The following SLC43A2 variants were observed in gnomAD, a reference collection of about 807,000 sequenced individuals.
The protein encoded by SLC43A2 is large neutral amino acids transporter small subunit 4.
Under a neutral mutation model 63.2 loss-of-function variants are expected in SLC43A2, and 38 were observed. The ratio of observed to expected loss-of-function variants is 0.60; its 90% confidence interval spans 0.46 to 0.79. SLC43A2 has a LOEUF of 0.79. SLC43A2 is among the 30% of genes least tolerant of loss of function. The probability of loss-of-function intolerance (pLI) is 0.00; values close to 1 mark genes in which losing one functional copy is unlikely to be tolerated. For missense variants in SLC43A2, 644 were observed against 756.2 expected (o/e 0.85, Z 1.74); for synonymous variants, 322 against 331.0 (o/e 0.97, Z 0.30).
At chr17:1,585,434 C>T in intron 10 of SLC43A2, 2 of 326,890 alleles carry the variant, frequency 6.1e-6, no homozygotes, top group Admixed American at 8.9e-5. Flanking sequence ...TTAGTAGAGA[C>T]CGGGTTTTAC....
In SLC43A2 at chr17:1,574,135, G is replaced by A. The variant is rs2075886794; in HGVS notation, c.*1469C>T. On this transcript the variant is annotated 3_prime_UTR_variant, in exon 14 of 14. Transcript: ENST00000301335. ...GGGTGTAGGGATGGAAAGGGACCAG[G>A]ATTCGCCTGTTTGGCTGGGAAAATC... 1 of 152,370 alleles carries A rather than the reference G, an allele frequency of 6.6e-6. No individual in the cohort carries two copies. Among genetic ancestry groups the A allele is most frequent in the Non-Finnish European group, 1.5e-5 (1 of 68,168 alleles). The allele number at this position is 152,370 out of a possible 1,614,324, so 9.4% of individuals were successfully genotyped here. A position where few individuals can be genotyped will look rare whatever the true frequency, so the allele number is the denominator to read the frequency against.
intron 5 of SLC43A2, among the ~76,000 whole-genome samples, chr17:1,611,846 A>G (rs556500020): frequency 2.1e-4 from 32 of 152,292 alleles, no homozygotes; most frequent in African/African-American, 5.5e-4. Flanking sequence ...TGAAGAAGCT[A>G]TTATTCTCAC....
intron 9 of SLC43A2, among the ~76,000 whole-genome samples, chr17:1,589,511 G>A (rs964165470): frequency 6.6e-6 from 1 of 152,048 alleles, no homozygotes; most frequent in African/African-American, 2.4e-5. Flanking sequence ...AGGCTGCAGC[G>A]TTCACATCAC....
chr17:1,578,003 A>G lies in SLC43A2; in HGVS notation c.1424+247T>C, dbSNP rs2151027837. On this transcript the variant is annotated intron_variant, in intron 12 of 13. Transcript: ENST00000301335. The surrounding 1 kb of genome is among the most constrained non-coding windows in gnomAD (Gnocchi z 6.5). ...CAGGTGCCTGACCCTGGCTGGGGGAACTGACTTCGTGTTGAATGCCAAGGC... is the reference window on the plus strand; with the variant it reads ...CAGGTGCCTGACCCTGGCTGGGGGAGCTGACTTCGTGTTGAATGCCAAGGC... Among the ~76,000 whole-genome samples, 1 of 152,304 alleles carries G rather than the reference A, an allele frequency of 6.6e-6. No homozygotes were observed. The highest frequency in any genetic ancestry group is 1.9e-4 in the East Asian group (1 of 5,178).
In SLC43A2 at chr17:1,583,569, G is replaced by C; in HGVS notation, c.1218-233C>G. 3 of 594,044 alleles carry C rather than the reference G, an allele frequency of 5.1e-6. No individual in the cohort carries two copies. Among genetic ancestry groups the C allele is most frequent in the Non-Finnish European group, 8.6e-6 (3 of 349,190 alleles). The allele number at this position is 594,044 out of a possible 1,614,324, so 36.8% of individuals were successfully genotyped here. A position where few individuals can be genotyped will look rare whatever the true frequency, so the allele number is the denominator to read the frequency against. On this transcript the variant is annotated intron_variant, in intron 10 of 13. Coordinates refer to ENST00000301335, the MANE Select transcript of SLC43A2 (RefSeq NM_152346.3). The surrounding 1 kb of genome is among the most constrained non-coding windows in gnomAD (Gnocchi z 5.5). ...GAGGGGGTCTCGGGTACAAGAAGATGGCCATCCATATGCTGCAGTGCTCTG... is the reference window on the plus strand; with the variant it reads ...GAGGGGGTCTCGGGTACAAGAAGATCGCCATCCATATGCTGCAGTGCTCTG...
chr17:1,603,876 T>C (rs1377253256), intron 5 of SLC43A2, among the ~76,000 whole-genome samples: 1 of 152,184 alleles, frequency 6.6e-6, no homozygotes, highest in Non-Finnish European at 1.5e-5. Flanking sequence ...GATTGGGGAT[T>C]CAAGCCAGGC....
At position 1,583,520 on chromosome 17, in the gene SLC43A2, G is replaced by C; in HGVS notation, c.1218-184C>G. 1.0e-6 allele frequency: 1 copy of C among 990,170 alleles called. No individual in the cohort carries two copies. Among genetic ancestry groups the C allele is most frequent in the Non-Finnish European group, 1.4e-6 (1 of 700,868 alleles). The allele number at this position is 990,170 out of a possible 1,614,324, so 61.3% of individuals were successfully genotyped here. ...TACGGACACTCCCCGGCCCTTCTCA[G>C]TGGCAAGCTGAGTGTGACTCTCGGA... On this transcript the variant is annotated intron_variant, in intron 10 of 13. Coordinates refer to ENST00000301335, the MANE Select transcript of SLC43A2 (RefSeq NM_152346.3). This position sits in a 1 kb window ranked among gnomAD's most constrained non-coding sequence, Gnocchi z 5.5.
chr17:1,620,473 G>C (rs935199513), intron 2 of SLC43A2, among the ~76,000 whole-genome samples: 2 of 152,176 alleles, frequency 1.3e-5, no homozygotes, highest in Non-Finnish European at 2.9e-5. Context: ...AAGGGTATCT[G>C]TCCTTCCCAT....
chr17:1,578,311 T>C lies in SLC43A2; in HGVS notation c.1363A>G (p.Ile455Val). The C allele has an allele frequency of 6.2e-7, 1 of 1,613,840 alleles. No homozygotes were observed. The highest frequency in any genetic ancestry group is 1.1e-5 in the South Asian group (1 of 91,074). The change falls in exon 12 of 14, where the codon ATC becomes GTC. Residue 455 changes from isoleucine (I) to valine (V), a missense_variant. Around this residue, in one of 3 missense-constraint regions of SLC43A2, gnomAD observed 528 missense variants for 623.6 expected, o/e 0.85. Coordinates refer to ENST00000301335, the MANE Select transcript of SLC43A2 (RefSeq NM_152346.3). The surrounding 1 kb of genome is among the most constrained non-coding windows in gnomAD (Gnocchi z 6.5). ...PNLPLQILSF[I>V]LHTIVRGFIH... The stretch of plus-strand genomic sequence containing the variant: ...AATCCTCGCACGATTGTGTGCAGGA[T>C]GAAGGAGAGGATCTGGGGGAGGAAA...
chr17:1,600,152 A>ATATATATATATATATTT (rs1216616243), intron 5 of SLC43A2, among the ~76,000 whole-genome samples: 27 of 60,276 alleles, frequency 4.5e-4, no homozygotes, highest in African/African-American at 1.3e-3. Context: ...ATATATATAT[A>ATATATATATATATATTT]TTTTTTTTTT....
chr17:1,593,368 C>G lies in SLC43A2; in HGVS notation c.502-89G>C. 8.3e-7 allele frequency: 1 copy of G among 1,197,678 alleles called. No individual in the cohort carries two copies. The allele number at this position is 1,197,678 out of a possible 1,614,324, so 74.2% of individuals were successfully genotyped here. Reference sequence around the variant, plus strand: ...GGACAGAGAACTAGGCCCCATGAGGCCCCTTCTTCACCTGCGCCCCTTCCT... The same window carrying G: ...GGACAGAGAACTAGGCCCCATGAGGGCCCTTCTTCACCTGCGCCCCTTCCT... On this transcript the variant is annotated intron_variant, in intron 5 of 13. Coordinates refer to ENST00000301335, the MANE Select transcript of SLC43A2 (RefSeq NM_152346.3). This position sits in a 1 kb window ranked among gnomAD's most constrained non-coding sequence, Gnocchi z 5.3.
chr17:1,597,210 T>G (rs1905374431), intron 5 of SLC43A2, among the ~76,000 whole-genome samples: 1 of 113,274 alleles, frequency 8.8e-6, no homozygotes, highest in Non-Finnish European at 1.8e-5. Context: ...AAGACTACGT[T>G]TTAAAAAAAA....
intron 5 of SLC43A2, among the ~76,000 whole-genome samples, chr17:1,602,870 T>C (rs1906195843): frequency 6.7e-6 from 1 of 149,546 alleles, no homozygotes; most frequent in Non-Finnish European, 1.5e-5. Context: ...GCGATTCTCC[T>C]GCCTCAGCCT....
intron 2 of SLC43A2, 62 bp downstream of exon 2, chr17:1,627,653 T>TGC: frequency 3.4e-6 from 1 of 298,358 alleles, no homozygotes. Flanking sequence ...TTCGCCCCCA[T>TGC]CCCGCCCCCT....
chr17:1,609,270 C>T (rs954766665), intron 5 of SLC43A2, among the ~76,000 whole-genome samples: 1 of 152,114 alleles, frequency 6.6e-6, no homozygotes, highest in Non-Finnish European at 1.5e-5. Flanking sequence ...GGCGCAATCT[C>T]GACTCGCTGC....
chr17:1,602,887 T>C (rs542788670), intron 5 of SLC43A2, among the ~76,000 whole-genome samples: 3 of 150,460 alleles, frequency 2.0e-5, no homozygotes, highest in African/African-American at 7.3e-5. Context: ...GCCTCCCAAG[T>C]AGCTGGGATT....
chr17:1,602,329 G>C (rs1265387693), intron 5 of SLC43A2, among the ~76,000 whole-genome samples: 3 of 152,068 alleles, frequency 2.0e-5, no homozygotes, highest in Non-Finnish European at 2.9e-5. Flanking sequence ...TTGATTTTGT[G>C]AAGGCTCTTT....
At chr17:1,619,909 C>T (rs1379160632) in intron 2 of SLC43A2, among the ~76,000 whole-genome samples, 1 of 152,200 alleles carries the variant, frequency 6.6e-6, no homozygotes, top group African/African-American at 2.4e-5. Context: ...TGGGGGGCTG[C>T]ACGTTCTACT....
At chr17:1,575,896 C>T (rs1353744046) in intron 13 of SLC43A2, 131 bp from the exon 14 acceptor site, 5 of 1,066,566 alleles carry the variant, frequency 4.7e-6, no homozygotes, top group South Asian at 1.6e-5. Context: ...GGAAGGCCCA[C>T]GAGGTCCCAT....
Sources: allele counts gnomAD v4.1 joint callset (sites outside exome capture counted in the v4.1 genomes callset), GRCh38; gene constraint gnomAD v4.1.1; regional missense constraint gnomAD v4.1.1; non-coding constraint Gnocchi (gnomAD v3.1); transcripts MANE v1.5; gene names NCBI Gene and HGNC (gene_info 2026-07-23, HGNC 2026-07-21).